The following C5orf46 variants were observed in gnomAD, a reference collection of about 807,000 sequenced individuals.
C5orf46 encodes chromosome 5 open reading frame 46.
C5orf46 carries 9 observed loss-of-function variants against 8.9 expected under a neutral mutation model. The observed-to-expected ratio is 1.01, with a 90% confidence interval of 0.61 to 1.76. The LOEUF (loss-of-function observed/expected upper bound fraction) is 1.76, where lower values mean the gene tolerates loss of function less well. Among genes scored for constraint, C5orf46 ranks in the 40% most tolerant of loss-of-function variants. The pLI is 0.00. For missense variants in C5orf46, 98 were observed against 107.8 expected (o/e 0.91, Z 0.40); for synonymous variants, 47 against 41.4 (o/e 1.14, Z -0.52).
intron 2 of C5orf46, among the ~76,000 whole-genome samples, chr5:147,898,416 A>G (rs17107413): frequency 0.21 from 31,969 of 151,978 alleles, 5,672 homozygotes; most frequent in African/African-American, 0.49. Context: ...ATGTGACTTA[A>G]TGAGATATGG....
chr5:147,899,711 A>G (rs1471838356), intron 2 of C5orf46, among the ~76,000 whole-genome samples: 1 of 152,236 alleles, frequency 6.6e-6, no homozygotes, highest in East Asian at 1.9e-4. Flanking sequence ...AATAACAGGC[A>G]GTGGGAATGG....
chr5:147,893,078 A>G (rs1231274072), intron 3 of C5orf46, 139 bp from the exon 4 acceptor site: 1 of 152,214 alleles, frequency 6.6e-6, no homozygotes. Context: ...GTTTCATAAT[A>G]AAATCAACTA....
chr5:147,891,382 G>C (rs1757501064), downstream of C5orf46, among the ~76,000 whole-genome samples: 1 of 152,090 alleles, frequency 6.6e-6, no homozygotes, highest in Admixed American at 6.6e-5. Context: ...GGCAATGAAG[G>C]GGAGGAAGAG....
At chr5:147,899,653 C>T (rs1001359205) in intron 2 of C5orf46, among the ~76,000 whole-genome samples, 46 of 152,080 alleles carry the variant, frequency 3.0e-4, no homozygotes, top group Middle Eastern at 3.2e-3. Flanking sequence ...TAAGTCATTT[C>T]GGATGGTAAC....
At chr5:147,893,962 A>G (rs1276284244) in intron 3 of C5orf46, among the ~76,000 whole-genome samples, 1 of 151,640 alleles carries the variant, frequency 6.6e-6, no homozygotes, top group Non-Finnish European at 1.5e-5. Flanking sequence ...AGACTTCATG[A>G]AAACGTAATC....
At chr5:147,903,344 A>T (rs1375930270) in intron 1 of C5orf46, among the ~76,000 whole-genome samples, 2 of 152,244 alleles carry the variant, frequency 1.3e-5, no homozygotes, top group African/African-American at 2.4e-5. Flanking sequence ...AATAATTAGG[A>T]CACCCTGATG....
At chr5:147,897,124 T>G (rs775060051) in intron 2 of C5orf46, 83 bp from the exon 3 acceptor site, 5 of 589,710 alleles carry the variant, frequency 8.5e-6, no homozygotes, top group Non-Finnish European at 1.5e-5. Flanking sequence ...TGTATAATGT[T>G]TGAGCCACAC....
At chr5:147,903,482 G>A (rs1396892406) in intron 1 of C5orf46, among the ~76,000 whole-genome samples, 13 of 152,236 alleles carry the variant, frequency 8.5e-5, no homozygotes, top group Admixed American at 6.5e-4. Context: ...CCTGACTTTG[G>A]ATAAAGGAGA....
intron 3 of C5orf46, among the ~76,000 whole-genome samples, chr5:147,894,366 G>A (rs1757548334): frequency 1.3e-5 from 2 of 152,158 alleles, no homozygotes; most frequent in Non-Finnish European, 2.9e-5. Flanking sequence ...ATTAAAGCCA[G>A]TAAAAATCAT....
At chr5:147,898,566 A>G (rs1757618992) in intron 2 of C5orf46, among the ~76,000 whole-genome samples, 2 of 152,242 alleles carry the variant, frequency 1.3e-5, no homozygotes, top group South Asian at 4.1e-4. Context: ...AGAAATGTGA[A>G]TTTGAAACTC....
intron 2 of C5orf46, chr5:147,886,977 T>C (rs1031164415): frequency 2.6e-5 from 4 of 152,124 alleles, no homozygotes; most frequent in African/African-American, 7.2e-5. Flanking sequence ...TTTCCAAAGA[T>C]GGGATTAGGG....
At chr5:147,898,722 G>A (rs900920334) in intron 2 of C5orf46, among the ~76,000 whole-genome samples, 3 of 152,108 alleles carry the variant, frequency 2.0e-5, no homozygotes, top group African/African-American at 7.2e-5. Context: ...GCTAGTGGTA[G>A]AGAGAGAACC....
chr5:147,893,387 C>T (rs140116152), intron 3 of C5orf46, among the ~76,000 whole-genome samples: 2,682 of 149,992 alleles, frequency 0.018, 76 homozygotes, highest in African/African-American at 0.061. Flanking sequence ...CAGGTTCAAG[C>T]GATTCTTCTG....
Position 147,906,460 on chromosome 5 carries a change from C to T in C5orf46, c.42G>A (p.Leu14=), listed in dbSNP as rs1476604310. The T allele has an allele frequency of 1.9e-6, 3 of 1,611,246 alleles. No homozygotes were observed. Among genetic ancestry groups the T allele is most frequent in the African/African-American group, 2.7e-5 (2 of 74,902 alleles). ...CATAGCAGGTCAGGAATAAGACAAG[C>T]AGTCCCAGGACAACTGTCAGGCGAA... ...SVLRLTVVLG[L]LVLFLTCYAD... is the part of the protein sequence containing the mutation. Residue 14 remains leucine (L), a synonymous_variant, in exon 1 of 4, where the codon CTG becomes CTA. Coordinates refer to ENST00000318315, the MANE Select transcript of C5orf46 (RefSeq NM_206966.3).
intron 2 of C5orf46, among the ~76,000 whole-genome samples, chr5:147,900,481 A>C (rs535519872): frequency 6.6e-6 from 1 of 152,284 alleles, no homozygotes; most frequent in South Asian, 2.1e-4. Context: ...TAAATAAATA[A>C]ATAAATCACA....
At chr5:147,895,100 G>A (rs535315905) in intron 3 of C5orf46, among the ~76,000 whole-genome samples, 8 of 151,882 alleles carry the variant, frequency 5.3e-5, no homozygotes, top group Non-Finnish European at 1.0e-4. Flanking sequence ...AGAAACATAA[G>A]ATCTATCTAT....
At chr5:147,903,203 T>C (rs1757698462) in intron 1 of C5orf46, among the ~76,000 whole-genome samples, 1 of 152,220 alleles carries the variant, frequency 6.6e-6, no homozygotes, top group Non-Finnish European at 1.5e-5. Context: ...GGGACCTTTA[T>C]TTTTTAATTG....
chr5:147,893,573 G>A (rs369321078), intron 3 of C5orf46, among the ~76,000 whole-genome samples: 37 of 149,508 alleles, frequency 2.5e-4, no homozygotes, highest in Non-Finnish European at 4.2e-4. Flanking sequence ...CCACAGTTTC[G>A]CTCTTGTTGC....
chr5:147,902,713 T>A (rs535412388), intron 1 of C5orf46, among the ~76,000 whole-genome samples: 1 of 152,208 alleles, frequency 6.6e-6, no homozygotes, highest in Non-Finnish European at 1.5e-5. Flanking sequence ...TCTAAAGTAC[T>A]CTATGATGAG....
Sources: gnomAD v4.1 joint callset for allele counts (sites outside exome capture counted in the v4.1 genomes callset) on GRCh38, gnomAD v4.1.1 for gene constraint, MANE v1.5 for transcripts, NCBI Gene and HGNC (gene_info 2026-07-23, HGNC 2026-07-21) for gene names.